RAB12: variants seen among roughly 807,000 people sequenced by gnomAD.
RAB12 encodes the protein RAB12, member RAS oncogene family.
Under a neutral mutation model 28.4 loss-of-function variants are expected in RAB12, and 11 were observed. That is an observed-to-expected ratio of 0.39 (90% confidence interval 0.24 to 0.64). The LOEUF is 0.64. Ranked by LOEUF, RAB12 falls within the 30% of genes least tolerant of loss-of-function variation. The probability of loss-of-function intolerance (pLI) is 0.50; values close to 1 mark genes in which losing one functional copy is unlikely to be tolerated. For missense variants in RAB12, 276 were observed against 351.1 expected (o/e 0.79, Z 1.71); for synonymous variants, 138 against 145.3 (o/e 0.95, Z 0.36).
intron 1 of RAB12, among the ~76,000 whole-genome samples, chr18:8,610,945 G>A (rs991827049): frequency 6.6e-6 from 1 of 152,202 alleles, no homozygotes; most frequent in African/African-American, 2.4e-5. Flanking sequence ...GTAGTTCCAA[G>A]GCTGTCAGTA....
At chr18:8,626,495 A>G (rs1275880138) in intron 2 of RAB12, among the ~76,000 whole-genome samples, 2 of 152,260 alleles carry the variant, frequency 1.3e-5, no homozygotes, top group Non-Finnish European at 2.9e-5. Flanking sequence ...CTTTGGCGGC[A>G]GTATTCTTTA....
intron 3 of RAB12, 191 bp from the exon 4 acceptor site, chr18:8,635,342 C>G (rs1567897647): frequency 2.2e-6 from 1 of 460,096 alleles, no homozygotes; most frequent in Non-Finnish European, 3.8e-6. Context: ...TGCCCTAGTT[C>G]TTTCTAAGAC....
In RAB12 at chr18:8,618,611, G is replaced by A. The variant is rs767470231; in HGVS notation, c.515-6327G>A. 8.0e-4 allele frequency among the ~76,000 whole-genome samples: 122 copies of A among 151,848 alleles called. 1 individual carries two copies. The highest frequency in any genetic ancestry group is 8.5e-4 in the Non-Finnish European group (58 of 67,972). On this transcript the variant is annotated intron_variant, in intron 1 of 5. Coordinates refer to ENST00000649141, the MANE Select transcript of RAB12 (RefSeq NM_001025300.3). The stretch of plus-strand genomic sequence containing the variant: ...TGCAAGCTCCGCCTCCCGGGTTCAC[G>A]CCGTTCTCCTGCCTCAGCCTCCCGA...
At chr18:8,619,393 A>G (rs2096008516) in intron 1 of RAB12, among the ~76,000 whole-genome samples, 1 of 152,238 alleles carries the variant, frequency 6.6e-6, no homozygotes, top group South Asian at 2.1e-4. Context: ...AAAAAGAAAC[A>G]GTAGTGTGCA....
intron 5 of RAB12, among the ~76,000 whole-genome samples, chr18:8,637,829 T>G (rs1034368068): frequency 6.6e-6 from 1 of 152,178 alleles, no homozygotes; most frequent in African/African-American, 2.4e-5. Context: ...AAAATGTTAT[T>G]AAGAAAATCA....
rs77604669 is a variant in RAB12 at position 8,636,089 on chromosome 18, A to T, written c.805-164A>T. 1.3e-3 allele frequency: 804 copies of T among 599,424 alleles called. 4 individuals are homozygous for T. The African/African-American group carries it at 0.014, about 10-fold the overall frequency. 37.1% of individuals were successfully genotyped at this position (599,424 alleles called of 1,614,324 possible). ...GTCTTTTGTTTTGCTAGTTGCTTAT[A>T]ATGTAAGAATTTGCTACACTTGTGA... is the stretch of plus-strand genomic sequence containing the variant. On this transcript the variant is annotated intron_variant, in intron 4 of 5. Coordinates refer to ENST00000649141, the MANE Select transcript of RAB12 (RefSeq NM_001025300.3).
At chr18:8,627,249 C>T (rs992984899) in intron 2 of RAB12, among the ~76,000 whole-genome samples, 2 of 152,154 alleles carry the variant, frequency 1.3e-5, no homozygotes, top group African/African-American at 2.4e-5. Flanking sequence ...GCATAGAAGG[C>T]GCCTGTGTAG....
chr18:8,625,443 A>C (rs2096012116), intron 2 of RAB12, among the ~76,000 whole-genome samples: 1 of 152,206 alleles, frequency 6.6e-6, no homozygotes, highest in Non-Finnish European at 1.5e-5. Flanking sequence ...TGGTGGCACA[A>C]TGTGACTATT....
chr18:8,635,800 CTGAAA>C, intron 4 of RAB12, 178 bp downstream of exon 4: 1 of 509,028 alleles, frequency 2.0e-6, no homozygotes, highest in Non-Finnish European at 3.4e-6. Context: ...TAAATTCATT[CTGAAA>C]TGGAGGGAGA....
intron 1 of RAB12, among the ~76,000 whole-genome samples, chr18:8,614,018 G>T (rs903415436): frequency 6.6e-5 from 10 of 152,190 alleles, no homozygotes; most frequent in African/African-American, 2.2e-4. Context: ...AGTGGTCAGG[G>T]CCAAGGGCTG....
chr18:8,633,641 A>G (rs1015993993), intron 3 of RAB12, among the ~76,000 whole-genome samples: 1 of 152,210 alleles, frequency 6.6e-6, no homozygotes, highest in African/African-American at 2.4e-5. Flanking sequence ...TTCTGCGGAA[A>G]GGTCACCTGG....
chr18:8,617,493 C>T (rs898352178), intron 1 of RAB12, among the ~76,000 whole-genome samples: 13 of 151,478 alleles, frequency 8.6e-5, no homozygotes, highest in Non-Finnish European at 1.3e-4. Flanking sequence ...TATTCTCCTC[C>T]TCTTTTGACC....
At chr18:8,637,976 T>A (rs2096019874) in intron 5 of RAB12, among the ~76,000 whole-genome samples, 173 bp from the exon 6 acceptor site, 1 of 151,896 alleles carries the variant, frequency 6.6e-6, no homozygotes, top group Non-Finnish European at 1.5e-5. Flanking sequence ...CTCTTCCGGG[T>A]GGCAGAGGCG....
At chr18:8,616,189 C>T (rs1049395831) in intron 1 of RAB12, among the ~76,000 whole-genome samples, 1 of 151,966 alleles carries the variant, frequency 6.6e-6, no homozygotes, top group African/African-American at 2.4e-5. Context: ...CCTGGTTTAC[C>T]CTTTTCAGAG....
At chr18:8,629,234 C>T (rs1363584455) in intron 2 of RAB12, among the ~76,000 whole-genome samples, 1 of 152,116 alleles carries the variant, frequency 6.6e-6, no homozygotes, top group Admixed American at 6.5e-5. Context: ...GTAAAGTATA[C>T]CCCTAAATGC....
In RAB12 at chr18:8,625,010, AGT is replaced by A. The variant is rs1330824084; in HGVS notation, c.575+16_575+17del. The A allele has an allele frequency of 4.5e-6, 7 of 1,560,552 alleles. No individual in the cohort carries two copies. The highest frequency in any genetic ancestry group is 1.7e-4 in the Middle Eastern group (1 of 5,988). ...AGATTACAGATCTGGTAAGTGGGAG[AGT>A]GTGCACCCAGTAATGTGCTGTGTGT... On this transcript the variant is annotated intron_variant, in intron 2 of 5. Transcript: ENST00000649141.
At chr18:8,615,198 T>A (rs981772732) in intron 1 of RAB12, among the ~76,000 whole-genome samples, 21 of 152,164 alleles carry the variant, frequency 1.4e-4, no homozygotes, top group African/African-American at 4.6e-4. Context: ...CGGGTGAGTG[T>A]GAATCCCTTG....
At chr18:8,616,757 C>T (rs367726733) in intron 1 of RAB12, among the ~76,000 whole-genome samples, 1 of 128,638 alleles carries the variant, frequency 7.8e-6, no homozygotes, top group South Asian at 2.5e-4. Context: ...CCCATCTCCA[C>T]AAAAAAAAAA....
intron 5 of RAB12, among the ~76,000 whole-genome samples, chr18:8,637,531 G>A (rs1230042710): frequency 6.6e-6 from 1 of 152,078 alleles, no homozygotes; most frequent in Non-Finnish European, 1.5e-5. Flanking sequence ...ATATTTTAAT[G>A]TCTAATTGAT....
Sources: allele counts gnomAD v4.1 joint callset (sites outside exome capture counted in the v4.1 genomes callset), GRCh38; gene constraint gnomAD v4.1.1; transcripts MANE v1.5; gene names NCBI Gene and HGNC (gene_info 2026-07-23, HGNC 2026-07-21).